The following USP54 variants were observed in gnomAD, a reference collection of about 807,000 sequenced individuals.
USP54 encodes the protein ubiquitin carboxyl-terminal hydrolase 54.
Under a neutral mutation model 170.5 loss-of-function variants are expected in USP54, and 87 were observed. The observed-to-expected ratio is 0.51, with a 90% CI of 0.43 to 0.61. The LOEUF is 0.61. Among genes scored for constraint, USP54 ranks in the 20% least tolerant of loss-of-function variants. The probability of loss-of-function intolerance (pLI) is 0.00; values close to 1 mark genes in which losing one functional copy is unlikely to be tolerated. For missense variants in USP54, 1,786 were observed against 2,047.8 expected, an observed-to-expected ratio of 0.87 and a Z score of 2.47; for synonymous variants, 655 against 742.8, an observed-to-expected ratio of 0.88 and a Z score of 1.92.
At chr10:73,619,073 T>C (rs2132348513) in intron 1 of USP54, among the ~76,000 whole-genome samples, 1 of 149,496 alleles carries the variant, frequency 6.7e-6, no homozygotes, top group South Asian at 2.1e-4. Flanking sequence ...ATTAGCTAAG[T>C]ATGGTGGGGC....
In USP54 at chr10:73,534,765, C is replaced by A; in HGVS notation, c.1150G>T (p.Glu384Ter). Reference sequence around the variant, plus strand: ...CGAGTGTCACTTGAGATGGAGGGCTCCCTCCCTGAGAGGAGGAGGAAACAC... The same window carrying A: ...CGAGTGTCACTTGAGATGGAGGGCTACCTCCCTGAGAGGAGGAGGAAACAC... ...TCYDSEDSGR[E>*]PSISSDTRTD... Residue 384 changes from glutamate to a stop codon, truncating the protein, a stop_gained, in exon 12 of 24, where the codon GAG becomes TAG. Transcript: ENST00000687698. LOFTEE classifies it high-confidence loss of function. The A allele has an allele frequency of 1.9e-6, 3 of 1,613,352 alleles. No homozygotes were observed. Among genetic ancestry groups the A allele is most frequent in the Non-Finnish European group, 2.5e-6 (3 of 1,179,568 alleles).
intron 23 of USP54, among the ~76,000 whole-genome samples, 192 bp downstream of exon 23, chr10:73,500,463 T>C (rs1305123733): frequency 6.6e-6 from 1 of 152,226 alleles, no homozygotes; most frequent in African/African-American, 2.4e-5. Context: ...ACCCTTGGTC[T>C]AAGAATCATG....
chr10:73,611,385 C>T (rs2080126778), intron 1 of USP54: 1 of 152,030 alleles, frequency 6.6e-6, no homozygotes, highest in African/African-American at 2.4e-5. Context: ...ATGGTAGCTC[C>T]TATCTATAAG....
Position 73,620,985 on chromosome 10 carries a change from G to A in USP54, c.-18+4582C>T, listed in dbSNP as rs907070516. On this transcript the variant is annotated intron_variant, in intron 1 of 22. Transcript: ENST00000339859. ...ACCCTGGCCAACATGGCGAAACCCC[G>A]TCTCTACTAAAAATACAAAAATTAG... Among the ~76,000 whole-genome samples the A allele has an allele frequency of 6.7e-5, 10 of 149,672 alleles. 1 individual carries two copies. The highest frequency in any genetic ancestry group is 6.8e-3 in the Middle Eastern group (2 of 292).
rs1051318643 is a variant in USP54, at chr10:73,567,410, C to T, written c.240+4011G>A. Among the ~76,000 whole-genome samples, 13 of 152,260 alleles carry T rather than the reference C, an allele frequency of 8.5e-5. No homozygotes were observed. In the East Asian group the frequency reaches 2.5e-3, roughly 29 times the overall value. The stretch of plus-strand genomic sequence containing the variant: ...ACTGGGCTGGGTGCAGTGGCTCACA[C>T]CTGTAATCCCAGCACTTTGGGAGGC... On this transcript the variant is annotated intron_variant, in intron 4 of 23. Coordinates refer to ENST00000687698, the MANE Select transcript of USP54 (RefSeq NM_001391956.1).
chr10:73,573,919 G>T (rs2075685057), intron 3 of USP54, among the ~76,000 whole-genome samples: 1 of 152,090 alleles, frequency 6.6e-6, no homozygotes, highest in Admixed American at 6.5e-5. Context: ...CTACAACCCA[G>T]GTCTCCTCCT....
intron 5 of USP54, among the ~76,000 whole-genome samples, chr10:73,544,675 CCT>C (rs1454653949): frequency 6.6e-6 from 1 of 152,058 alleles, no homozygotes; most frequent in Admixed American, 6.6e-5. Context: ...CACATTTTAC[CCT>C]GTGATGAGAT....
At chr10:73,546,635 T>C (rs57006370) in intron 4 of USP54, 19,356 of 152,222 alleles carry the variant, frequency 0.13, 1,808 homozygotes, top group East Asian at 0.34. Flanking sequence ...GCGCCCAGCC[T>C]TATTAGTATT....
intron 4 of USP54, among the ~76,000 whole-genome samples, chr10:73,558,025 G>GTA (rs2071636939): frequency 6.6e-6 from 1 of 151,116 alleles, no homozygotes; most frequent in Admixed American, 6.6e-5. Context: ...TGGAACTACA[G>GTA]GTGCACACCA....
At chr10:73,587,464 G>T (rs2077643072) in intron 1 of USP54, among the ~76,000 whole-genome samples, 1 of 151,282 alleles carries the variant, frequency 6.6e-6, no homozygotes, top group Admixed American at 6.6e-5. Flanking sequence ...AACAGAGCGA[G>T]ACTCCATCTC....
chr10:73,561,212 C>T (rs1374595610), intron 4 of USP54, among the ~76,000 whole-genome samples: 1 of 150,684 alleles, frequency 6.6e-6, no homozygotes, highest in African/African-American at 2.4e-5. Context: ...AAGCACTGTA[C>T]TAGGCACTGT....
chr10:73,553,138 C>G (rs2069982637), intron 4 of USP54: 1 of 152,178 alleles, frequency 6.6e-6, no homozygotes, highest in Non-Finnish European at 1.5e-5. Context: ...TGACTGCACC[C>G]AGAGTGGGTC....
At chr10:73,622,870 G>A (rs1207120146) in intron 1 of USP54, among the ~76,000 whole-genome samples, 2 of 151,674 alleles carry the variant, frequency 1.3e-5, no homozygotes, top group African/African-American at 4.8e-5. Context: ...TTAAACCCAG[G>A]AGACTGAGGC....
chr10:73,506,899 A>G (rs1221016064), intron 20 of USP54: 2 of 152,178 alleles, frequency 1.3e-5, no homozygotes, highest in African/African-American at 4.8e-5. Flanking sequence ...AGAAGAAGAA[A>G]AAAATACCAG....
intron 11 of USP54, 69 bp from the exon 12 acceptor site, chr10:73,534,839 G>A: frequency 6.8e-7 from 1 of 1,473,968 alleles, no homozygotes; most frequent in Non-Finnish European, 9.3e-7. Context: ...AAGGAAAAGA[G>A]ATGGACACAA....
intron 1 of USP54, among the ~76,000 whole-genome samples, chr10:73,598,505 A>G (rs571037782): frequency 8.7e-4 from 133 of 152,302 alleles, no homozygotes; most frequent in South Asian, 1.9e-3. Flanking sequence ...GACCGGGCAC[A>G]GTGGCTCACG....
rs2076047857 is a variant in USP54 at position 73,575,864 on chromosome 10, C to A, written c.-84G>T. 4.3e-6 allele frequency: 2 copies of A among 463,216 alleles called. No homozygotes were observed. Among genetic ancestry groups the A allele is most frequent in the African/African-American group, 4.0e-5 (2 of 50,282 alleles). The allele number at this position is 463,216 out of a possible 1,614,324, so 28.7% of individuals were successfully genotyped here. A position where few individuals can be genotyped will look rare whatever the true frequency, so the allele number is the denominator to read the frequency against. On this transcript the variant is annotated 5_prime_UTR_variant, in exon 2 of 24. The change creates a premature stop within an existing upstream ORF in the 5' untranslated region. Transcript: ENST00000687698. ...TCCTAGATCAAGATGACAGAGCCCT[C>A]CCTCACTTGTTCCAAACAATCTCCA...
In USP54 at chr10:73,525,782, TTAG is replaced by T. The variant is rs1437304581; in HGVS notation, c.2194+862_2194+864del. Among the ~76,000 whole-genome samples the T allele has an allele frequency of 3.3e-5, 5 of 152,320 alleles. No individual in the cohort carries two copies. The South Asian group carries it at 1.0e-3, about 32-fold the overall frequency. On this transcript the variant is annotated intron_variant, in intron 16 of 23. Coordinates refer to ENST00000687698, the MANE Select transcript of USP54 (RefSeq NM_001391956.1). ...CTGCTCTGCCAGATGTCCACAACCT[TTAG>T]TATACATACCTAAAAGGGTTCATGC...
At chr10:73,510,130 A>T (rs1474065615) in intron 20 of USP54, among the ~76,000 whole-genome samples, 1 of 152,114 alleles carries the variant, frequency 6.6e-6, no homozygotes, top group Non-Finnish European at 1.5e-5. Context: ...TGGTCAGGAG[A>T]TGGAGACCAT....
Sources: gnomAD v4.1 joint callset for allele counts (sites outside exome capture counted in the v4.1 genomes callset) on GRCh38, gnomAD v4.1.1 for gene constraint, MANE v1.5 for transcripts, NCBI Gene and HGNC (gene_info 2026-07-23, HGNC 2026-07-21) for gene names.